Variants in COL11A1 observed in about 807,000 individuals in gnomAD.
The protein encoded by COL11A1 is collagen type XI alpha 1 chain.
A neutral mutation model predicts 265.2 loss-of-function variants in COL11A1; 74 were observed. The ratio of observed to expected loss-of-function variants is 0.28; its 90% CI spans 0.23 to 0.34. COL11A1 has a LOEUF of 0.34. Among genes scored for constraint, COL11A1 ranks in the 10% least tolerant of loss-of-function variants. The probability of loss-of-function intolerance (pLI) is 1.00; values close to 1 mark genes in which losing one functional copy is unlikely to be tolerated. For synonymous variants in COL11A1, 816 were observed against 727.6 expected (o/e 1.12, Z -1.96); for missense variants, 2,165 against 2,263.6 (o/e 0.96, Z 0.88).
At chr1:102,933,693 C>T (rs906455566) in intron 46 of COL11A1, among the ~76,000 whole-genome samples, 15 of 152,168 alleles carry the variant, frequency 9.9e-5, no homozygotes, top group Non-Finnish European at 1.5e-4. Flanking sequence ...CCCAGCCTCG[C>T]TGCCACCTTG....
At position 102,876,774 on chromosome 1, in the gene COL11A1, C is replaced by A. The variant is rs1259908909; in HGVS notation, c.*1245G>T. The A allele has an allele frequency of 6.6e-6, 1 of 152,134 alleles. No individual in the cohort carries two copies. Among genetic ancestry groups the A allele is most frequent in the Non-Finnish European group, 1.5e-5 (1 of 67,910 alleles). The allele number at this position is 152,134 out of a possible 1,614,324, so 9.4% of individuals were successfully genotyped here. A position where few individuals can be genotyped will look rare whatever the true frequency, so the allele number is the denominator to read the frequency against. The stretch of plus-strand genomic sequence containing the variant: ...TAAATTGTATTGCTATTTCAAGCTA[C>A]CTTAAAGTAAATACCTTAGTGGAAA... On this transcript the variant is annotated 3_prime_UTR_variant, in exon 67 of 67. Transcript: ENST00000370096.
intron 1 of COL11A1, among the ~76,000 whole-genome samples, chr1:103,102,695 G>T (rs929406347): frequency 6.6e-6 from 1 of 151,886 alleles, no homozygotes; most frequent in East Asian, 1.9e-4. Context: ...ATTAAAAATT[G>T]TATACAATGA....
intron 4 of COL11A1, among the ~76,000 whole-genome samples, chr1:103,070,422 C>A (rs72685220): frequency 0.093 from 14,025 of 150,944 alleles, 786 homozygotes; most frequent in South Asian, 0.11. Context: ...CTATTAATAA[C>A]AAGGGAAAAA....
intron 4 of COL11A1, among the ~76,000 whole-genome samples, chr1:103,059,490 A>G (rs12740092): frequency 0.038 from 5,730 of 152,246 alleles, 127 homozygotes; most frequent in Middle Eastern, 0.092. Context: ...GGCATACTGC[A>G]AGGAAAAGAA....
chr1:102,946,892 C>T lies in COL11A1; in HGVS notation c.3233G>A (p.Gly1078Glu). ...AGCTGGACCAGGAGGACCCTGAGGT[C>T]CCGGGCGCCCTGGTAAACCAATTGG... Reference protein sequence around the residue: ...AGPIGLPGRPGPQGPPGPAGE... With the variant: ...AGPIGLPGRPEPQGPPGPAGE... Residue 1078 changes from glycine (G) to glutamate (E), a missense_variant, in exon 42 of 67, where the codon GGA becomes GAA. By Grantham distance (98) the Gly-to-Glu change is moderately conservative. Transcript: ENST00000370096. 6.2e-7 allele frequency: 1 copy of T among 1,613,674 alleles called. No homozygotes were observed. The highest frequency in any genetic ancestry group is 1.1e-5 in the South Asian group (1 of 90,952).
intron 37 of COL11A1, among the ~76,000 whole-genome samples, chr1:102,968,647 A>G (rs1661664190): frequency 6.6e-6 from 1 of 152,210 alleles, no homozygotes; most frequent in South Asian, 2.1e-4. Flanking sequence ...TCAGCAGAGA[A>G]CAAAGTGAGA....
intron 44 of COL11A1, among the ~76,000 whole-genome samples, chr1:102,938,426 A>G (rs986897329): frequency 6.6e-6 from 1 of 152,216 alleles, no homozygotes; most frequent in South Asian, 2.1e-4. Context: ...ATGTCCACAG[A>G]TATTCTTTAG....
At chr1:103,042,758 G>A (rs925220812) in intron 4 of COL11A1, among the ~76,000 whole-genome samples, 1 of 151,876 alleles carries the variant, frequency 6.6e-6, no homozygotes, top group African/African-American at 2.4e-5. Flanking sequence ...CCTCAGGAAG[G>A]TAATGCTAAT....
chr1:102,878,185 T>G lies in COL11A1; in HGVS notation c.5275-20A>C. On this transcript the variant is annotated intron_variant, in intron 66 of 66. Coordinates refer to ENST00000370096, the MANE Select transcript of COL11A1 (RefSeq NM_001854.4). ...TCTGGACTGTAAAATAAAGCAGAAA[T>G]AAAAAGTTATACAATCTTTTAATAT... 5 of 1,594,300 alleles carry G rather than the reference T, an allele frequency of 3.1e-6. No individual in the cohort carries two copies. The highest frequency in any genetic ancestry group is 4.3e-6 in the Non-Finnish European group (5 of 1,166,884).
chr1:102,879,610 C>T, intron 66 of COL11A1, 73 bp downstream of exon 66: 1 of 1,366,262 alleles, frequency 7.3e-7, no homozygotes, highest in Non-Finnish European at 1.0e-6. Context: ...AAAAATCTGG[C>T]TAAGGACCGA....
At chr1:102,921,723 TAC>T in intron 47 of COL11A1, 152 bp from the exon 48 acceptor site, 4 of 658,484 alleles carry the variant, frequency 6.1e-6, no homozygotes, top group Non-Finnish European at 1.1e-5. Flanking sequence ...CCTTCATGGA[TAC>T]AACATCATGT....
chr1:103,016,830 C>A (rs1666606577), intron 11 of COL11A1, among the ~76,000 whole-genome samples: 1 of 151,720 alleles, frequency 6.6e-6, no homozygotes, highest in Admixed American at 6.6e-5. Flanking sequence ...TTTTTAAAAT[C>A]CTAACAAATC....
intron 31 of COL11A1, among the ~76,000 whole-genome samples, chr1:102,981,249 C>T (rs139705938): frequency 6.6e-6 from 1 of 152,122 alleles, no homozygotes; most frequent in Non-Finnish European, 1.5e-5. Flanking sequence ...GGAAAAAAAT[C>T]TCTGCACATT....
chr1:102,895,453 T>C (rs1652299870), intron 57 of COL11A1, among the ~76,000 whole-genome samples: 1 of 152,136 alleles, frequency 6.6e-6, no homozygotes, highest in Non-Finnish European at 1.5e-5. Context: ...AGTAGGTAGT[T>C]ACAGGCAGCT....
At chr1:103,048,593 T>C (rs1285576094) in intron 4 of COL11A1, among the ~76,000 whole-genome samples, 1 of 152,222 alleles carries the variant, frequency 6.6e-6, no homozygotes, top group East Asian at 1.9e-4. Context: ...TGTGTCTCTA[T>C]TTCCTTCAGT....
intron 24 of COL11A1, chr1:103,001,611 T>G (rs956743412): frequency 2.2e-6 from 1 of 457,946 alleles, no homozygotes; most frequent in Non-Finnish European, 3.8e-6. Flanking sequence ...TTTTGTAAAA[T>G]AATGAGAAAG....
intron 2 of COL11A1, among the ~76,000 whole-genome samples, chr1:103,080,627 C>A (rs1256396236): frequency 6.6e-6 from 1 of 151,652 alleles, no homozygotes; most frequent in Admixed American, 6.6e-5. Context: ...GAGCTATTAC[C>A]CCACTCCAGT....
chr1:102,945,132 G>A (rs891115277), intron 42 of COL11A1, among the ~76,000 whole-genome samples: 4 of 152,134 alleles, frequency 2.6e-5, no homozygotes, highest in African/African-American at 9.7e-5. Context: ...GTGCAACAGT[G>A]TGGGGGAGTA....
chr1:103,026,220 G>T lies in COL11A1; in HGVS notation c.893C>A (p.Thr298Lys). The T allele has an allele frequency of 6.2e-7, 1 of 1,607,730 alleles. No individual in the cohort carries two copies. The change falls in exon 6 of 67, where the codon ACG becomes AAG. Residue 298 changes from threonine to lysine, a missense_variant. By Grantham distance (78) the Thr-to-Lys change is moderately conservative. Coordinates refer to ENST00000370096, the MANE Select transcript of COL11A1 (RefSeq NM_001854.4). Reference protein sequence around the residue: ...PTVTEETIAQTEANIVDDFQE... With the variant: ...PTVTEETIAQKEANIVDDFQE... ...CAGGCACTGCTTTGTTTTTACCTCC[G>T]TCTGTGCTATTGTCTCCTCAGTTAC...
Sources: gnomAD v4.1 joint callset for allele counts (sites outside exome capture counted in the v4.1 genomes callset) on GRCh38, gnomAD v4.1.1 for gene constraint, MANE v1.5 for transcripts, NCBI Gene and HGNC (gene_info 2026-07-23, HGNC 2026-07-21) for gene names.